Variants in IL1RAPL2 observed in about 807,000 individuals in gnomAD.
IL1RAPL2 encodes interleukin 1 receptor accessory protein like 2, also known as X-linked interleukin-1 receptor accessory protein-like 2.
IL1RAPL2 carries 3 observed loss-of-function variants against 44.1 expected under a neutral mutation model. The ratio of observed to expected loss-of-function variants is 0.07; its 90% CI spans 0.03 to 0.18. The LOEUF is 0.18. IL1RAPL2 is among the 10% of genes least tolerant of loss of function. The pLI, the probability that IL1RAPL2 is intolerant of heterozygous loss-of-function variation, is 1.00. For missense variants in IL1RAPL2, 391 were observed against 496.4 expected, an observed-to-expected ratio of 0.79 and a Z score of 2.02; for synonymous variants, 181 against 178.8, an observed-to-expected ratio of 1.01 and a Z score of -0.10.
intron 2 of IL1RAPL2, among the ~76,000 whole-genome samples, chrX:104,976,619 G>A (rs1466792900): frequency 9.0e-6 from 1 of 111,280 alleles, no homozygotes; most frequent in Admixed American, 9.6e-5. Flanking sequence ...CCAAAACCCT[G>A]GAACAACCAG....
intron 2 of IL1RAPL2, among the ~76,000 whole-genome samples, chrX:104,862,465 C>T (rs1434454240): frequency 9.1e-6 from 1 of 109,834 alleles, no homozygotes; most frequent in Non-Finnish European, 1.9e-5. Context: ...GCCTGGTGTC[C>T]TTATAAGAAG....
chrX:105,495,844 C>T (rs935132693), intron 6 of IL1RAPL2, among the ~76,000 whole-genome samples: 2 of 111,361 alleles, frequency 1.8e-5, no homozygotes, highest in Non-Finnish European at 3.8e-5. Context: ...TGGACTCCTC[C>T]TCTCGGCCAG....
intron 2 of IL1RAPL2, among the ~76,000 whole-genome samples, chrX:104,892,055 T>G (rs780129345): frequency 1.8e-5 from 2 of 112,062 alleles, no homozygotes; most frequent in African/African-American, 6.5e-5. Flanking sequence ...GAGATAATCA[T>G]GTGGTTTTCG....
chrX:105,609,634 A>C (rs2037320663), intron 6 of IL1RAPL2, among the ~76,000 whole-genome samples: 1 of 111,864 alleles, frequency 8.9e-6, no homozygotes, highest in Admixed American at 9.5e-5. Flanking sequence ...TGAAGTGAAA[A>C]AGCCTGTGAG....
chrX:104,891,330 G>C (rs1206066500), intron 2 of IL1RAPL2, among the ~76,000 whole-genome samples: 1 of 111,784 alleles, frequency 8.9e-6, no homozygotes, highest in African/African-American at 3.3e-5. Flanking sequence ...TTCCAATTTT[G>C]TGAAGAAAGT....
chrX:105,650,400 A>G (rs368548485), intron 6 of IL1RAPL2, among the ~76,000 whole-genome samples: 2 of 111,699 alleles, frequency 1.8e-5, no homozygotes, highest in Non-Finnish European at 1.9e-5. Flanking sequence ...GAATAAGACC[A>G]AAGTTCTTTA....
chrX:105,408,194 G>C, intron 5 of IL1RAPL2, among the ~76,000 whole-genome samples: 1 of 112,173 alleles, frequency 8.9e-6, no homozygotes, highest in East Asian at 2.8e-4. Context: ...GCTGGTCCAA[G>C]ATGTAATACC....
At chrX:105,610,452 G>A (rs1171158782) in intron 6 of IL1RAPL2, among the ~76,000 whole-genome samples, 2 of 111,567 alleles carry the variant, frequency 1.8e-5, no homozygotes, top group African/African-American at 3.3e-5. Context: ...GTGCCCCTCT[G>A]TAGGCAATCC....
At chrX:104,709,269 TGGATA>T (rs1372997563) in intron 2 of IL1RAPL2, among the ~76,000 whole-genome samples, 1 of 110,036 alleles carries the variant, frequency 9.1e-6, no homozygotes, top group Non-Finnish European at 1.9e-5. Context: ...ATAAAAAGCC[TGGATA>T]ATGGCAAACC....
intron 5 of IL1RAPL2, among the ~76,000 whole-genome samples, chrX:105,423,882 G>T (rs1199871784): frequency 9.6e-6 from 1 of 104,464 alleles, no homozygotes; most frequent in Non-Finnish European, 1.9e-5. Flanking sequence ...AAAAAAAAAA[G>T]GGTGTTGACA....
intron 2 of IL1RAPL2, among the ~76,000 whole-genome samples, chrX:104,912,486 G>A (rs957581695): frequency 9.0e-6 from 1 of 111,392 alleles, no homozygotes; most frequent in Non-Finnish European, 1.9e-5. Flanking sequence ...TTATAGAGAT[G>A]TTTATGAAGC....
chrX:105,642,026 C>T (rs367698148), intron 6 of IL1RAPL2, among the ~76,000 whole-genome samples: 5 of 111,135 alleles, frequency 4.5e-5, no homozygotes, highest in African/African-American at 1.3e-4. Context: ...TATTCCCTCA[C>T]GGTATTCACT....
chrX:104,770,115 ACCT>A (rs962179481), intron 2 of IL1RAPL2, among the ~76,000 whole-genome samples: 1 of 109,193 alleles, frequency 9.2e-6, no homozygotes, highest in Non-Finnish European at 1.9e-5. Flanking sequence ...GGCTTTGATC[ACCT>A]CCTCCTCCAG....
intron 1 of IL1RAPL2, among the ~76,000 whole-genome samples, chrX:104,631,370 G>T (rs893113808): frequency 6.3e-5 from 7 of 111,630 alleles, no homozygotes; most frequent in African/African-American, 2.3e-4. Flanking sequence ...GGGATGGCTG[G>T]GTCAAATGAT....
At chrX:104,855,543 AAT>A (rs1441951448) in intron 2 of IL1RAPL2, among the ~76,000 whole-genome samples, 1 of 110,641 alleles carries the variant, frequency 9.0e-6, no homozygotes, top group Non-Finnish European at 1.9e-5. Context: ...GTCTCACAGA[AAT>A]AGAGAGCCTG....
At chrX:105,219,568 G>T (rs782164521) in intron 3 of IL1RAPL2, 2 of 1,209,322 alleles carry the variant, frequency 1.7e-6, no homozygotes, top group South Asian at 1.8e-5. Context: ...GGGAGCCATG[G>T]CCTCCACAGG....
intron 2 of IL1RAPL2, among the ~76,000 whole-genome samples, chrX:105,135,995 CACAGATGG>C (rs1356898783): frequency 8.9e-6 from 1 of 111,785 alleles, no homozygotes; most frequent in East Asian, 2.8e-4. Flanking sequence ...AGAAGAGTTC[CACAGATGG>C]CCAAGCAGGC....
At chrX:105,424,984 C>T (rs1355209881) in intron 5 of IL1RAPL2, among the ~76,000 whole-genome samples, 1 of 109,795 alleles carries the variant, frequency 9.1e-6, no homozygotes, top group Non-Finnish European at 1.9e-5. Context: ...GCTCTTTACT[C>T]TGGGTCTCCA....
Position 105,668,592 on chromosome X carries a change from T to TA in IL1RAPL2, c.773-48773dup, listed in dbSNP as rs997827423. 6.2e-5 allele frequency among the ~76,000 whole-genome samples: 7 copies of TA among 112,443 alleles called. No homozygotes were observed. In the Admixed American group the frequency reaches 6.6e-4, roughly 11 times the overall value. On this transcript the variant is annotated intron_variant, in intron 6 of 10. Transcript: ENST00000372582. Reference sequence around the variant, plus strand: ...CTGAACTAACACAATCCTTCCATATTAATTTGCCAGCATTTGAAGACAAGT... The same window carrying TA: ...CTGAACTAACACAATCCTTCCATATTAAATTTGCCAGCATTTGAAGACAAGT...
Sources: gnomAD v4.1 joint callset for allele counts (sites outside exome capture counted in the v4.1 genomes callset) on GRCh38, gnomAD v4.1.1 for gene constraint, MANE v1.5 for transcripts, NCBI Gene and HGNC (gene_info 2026-07-23, HGNC 2026-07-21) for gene names.